The following UGT1A8 variants were observed in gnomAD, a reference collection of about 807,000 sequenced individuals.
The protein encoded by UGT1A8 is UDP glucuronosyltransferase family 1 member A8.
A neutral mutation model predicts 45.3 loss-of-function variants in UGT1A8; 39 were observed. That is an observed-to-expected ratio of 0.86 (90% CI 0.67 to 1.12). UGT1A8 has a LOEUF of 1.12. Ranked by LOEUF, UGT1A8 falls within the 50% of genes most tolerant of loss-of-function variation. The pLI, the probability that UGT1A8 is intolerant of heterozygous loss-of-function variation, is 0.00. For synonymous variants in UGT1A8, 275 were observed against 249.2 expected (o/e 1.10, Z -0.97); for missense variants, 719 against 664.9 (o/e 1.08, Z -0.90).
chr2:233,760,383 G>A (rs1029837369), intron 1 of UGT1A8: 1 of 1,614,062 alleles, frequency 6.2e-7, no homozygotes, highest in African/African-American at 1.3e-5. Flanking sequence ...AGATACTGTT[G>A]ATCCCAGTGG....
chr2:233,716,785 T>C (rs1675304459), intron 1 of UGT1A8, among the ~76,000 whole-genome samples: 1 of 152,184 alleles, frequency 6.6e-6, no homozygotes, highest in South Asian at 2.1e-4. Context: ...GCTTTCGGGA[T>C]GCCTTTTTCT....
At chr2:233,739,387 C>T (rs1691076515) in intron 1 of UGT1A8, among the ~76,000 whole-genome samples, 1 of 152,204 alleles carries the variant, frequency 6.6e-6, no homozygotes, top group Non-Finnish European at 1.5e-5. Flanking sequence ...CTGGAAGAGC[C>T]ACAGACATCA....
At chr2:233,770,089 T>C (rs2126050834) in intron 4 of UGT1A8, 1 of 153,022 alleles carries the variant, frequency 6.5e-6, no homozygotes, top group South Asian at 2.1e-4. Context: ...TTCAGTGGTA[T>C]AGATAACTAC....
chr2:233,664,349 T>C (rs960611976), intron 1 of UGT1A8, among the ~76,000 whole-genome samples: 1 of 152,226 alleles, frequency 6.6e-6, no homozygotes, highest in African/African-American at 2.4e-5. Context: ...TTTCAGTATC[T>C]TTATAGCAAC....
At chr2:233,765,550 G>T (rs1420630288) in intron 1 of UGT1A8, among the ~76,000 whole-genome samples, 1 of 152,098 alleles carries the variant, frequency 6.6e-6, no homozygotes, top group Non-Finnish European at 1.5e-5. Flanking sequence ...AGTGGGAGTT[G>T]AACAGTGAGA....
intron 1 of UGT1A8, among the ~76,000 whole-genome samples, chr2:233,699,292 C>T (rs2075496575): frequency 6.6e-6 from 1 of 152,182 alleles, no homozygotes; most frequent in African/African-American, 2.4e-5. Context: ...GATGCTGGGA[C>T]ACTCTTATGC....
At chr2:233,753,198 T>C (rs1454956854) in intron 1 of UGT1A8, 2 of 152,228 alleles carry the variant, frequency 1.3e-5, no homozygotes. Flanking sequence ...TCAAAAGCCC[T>C]GACAGTCTGT....
intron 1 of UGT1A8, among the ~76,000 whole-genome samples, chr2:233,709,844 C>T (rs971169225): frequency 2.0e-5 from 3 of 152,212 alleles, no homozygotes; most frequent in African/African-American, 7.2e-5. Context: ...GCCATCACCA[C>T]ATTCAAGACA....
intron 1 of UGT1A8, chr2:233,743,214 G>T (rs1433363859): frequency 4.9e-6 from 2 of 406,726 alleles, no homozygotes; most frequent in Non-Finnish European, 9.7e-6. Context: ...CGGAGTAACT[G>T]CTCTTTGCTA....
intron 1 of UGT1A8, among the ~76,000 whole-genome samples, chr2:233,696,738 T>C (rs1269588837): frequency 6.6e-6 from 1 of 152,214 alleles, no homozygotes; most frequent in East Asian, 1.9e-4. Context: ...TTTACCCTTT[T>C]CAGTATGATG....
chr2:233,668,737 A>G (rs2074125533), intron 1 of UGT1A8, among the ~76,000 whole-genome samples: 1 of 152,190 alleles, frequency 6.6e-6, no homozygotes, highest in South Asian at 2.1e-4. Flanking sequence ...ATCACAACTC[A>G]TTAATCAACA....
chr2:233,663,521 G>A (rs1023606993), intron 1 of UGT1A8, among the ~76,000 whole-genome samples: 3 of 152,228 alleles, frequency 2.0e-5, no homozygotes, highest in African/African-American at 7.2e-5. Context: ...TCTGCAAAAT[G>A]TCTCAAGCAC....
At chr2:233,680,576 C>T (rs1427631775) in intron 1 of UGT1A8, among the ~76,000 whole-genome samples, 1 of 152,178 alleles carries the variant, frequency 6.6e-6, no homozygotes, top group Non-Finnish European at 1.5e-5. Flanking sequence ...CTAACACACA[C>T]TGCTGAGCTC....
Position 233,682,247 on chromosome 2 carries a change from A to C in UGT1A8, c.855+63685A>C, listed in dbSNP as rs758971346. ...TGCTCGCTGGACGGCACCATTGCGA[A>C]GTGCATTTTCTCTATTAACAAGTTC... On this transcript the variant is annotated intron_variant, in intron 1 of 4. Transcript: ENST00000373450. The C allele has an allele frequency of 1.9e-6, 3 of 1,614,214 alleles. No homozygotes were observed. The South Asian group carries it at 3.3e-5, about 18-fold the overall frequency.
intron 1 of UGT1A8, chr2:233,692,731 C>A: frequency 1.1e-6 from 1 of 943,774 alleles, no homozygotes; most frequent in Non-Finnish European, 1.4e-6. Context: ...TATAACTTTT[C>A]AGAGAGGGAG....
intron 1 of UGT1A8, among the ~76,000 whole-genome samples, chr2:233,749,081 G>A (rs958459779): frequency 6.6e-6 from 1 of 151,758 alleles, no homozygotes; most frequent in African/African-American, 2.4e-5. Flanking sequence ...TCCTTGGTGT[G>A]CCATGTATTT....
chr2:233,733,103 T>G lies in UGT1A8; in HGVS notation c.856-33931T>G, dbSNP rs137950812. ...AATGGGAGTTCACTCATGGTTTGGC[T>G]CTGTTTGTCTGTTATTGGTGTATAG... On this transcript the variant is annotated intron_variant, in intron 1 of 4. Coordinates refer to ENST00000373450, the MANE Select transcript of UGT1A8 (RefSeq NM_019076.5). Among the ~76,000 whole-genome samples the G allele has an allele frequency of 9.9e-3, 1,505 of 152,334 alleles. 21 individuals are homozygous for G. Among genetic ancestry groups the G allele is most frequent in the African/African-American group, 0.035 (1,436 of 41,572 alleles).
At chr2:233,718,632 C>T in intron 1 of UGT1A8, 1 of 1,448,466 alleles carries the variant, frequency 6.9e-7, no homozygotes, top group Non-Finnish European at 9.3e-7. Flanking sequence ...TGGTCTTTCC[C>T]AGGGTTGGGC....
intron 1 of UGT1A8, among the ~76,000 whole-genome samples, chr2:233,735,332 CCCT>C (rs1370680627): frequency 6.6e-6 from 1 of 151,862 alleles, no homozygotes; most frequent in Non-Finnish European, 1.5e-5. Flanking sequence ...GGATTGCAAC[CCCT>C]GCTTTTTTTT....
Sources: allele counts gnomAD v4.1 joint callset (sites outside exome capture counted in the v4.1 genomes callset), GRCh38; gene constraint gnomAD v4.1.1; transcripts MANE v1.5; gene names NCBI Gene and HGNC (gene_info 2026-07-23, HGNC 2026-07-21).